AKAP9: variants seen among roughly 807,000 people sequenced by gnomAD.
The protein encoded by AKAP9 is A-kinase anchoring protein 9.
In AKAP9, 311 loss-of-function variants were observed where a neutral mutation model predicts 488.5. That is an observed-to-expected ratio of 0.64 (90% CI 0.58 to 0.70). AKAP9 has a LOEUF of 0.70. Among genes scored for constraint, AKAP9 ranks in the 30% least tolerant of loss-of-function variants. AKAP9 has a pLI of 0.00. For synonymous variants in AKAP9, 1,462 were observed against 1,483.5 expected (o/e 0.99, Z 0.33); for missense variants, 4,215 against 4,374.5 (o/e 0.96, Z 1.03).
At chr7:92,082,694 C>T in intron 32 of AKAP9, 32 bp downstream of exon 32, 1 of 1,609,890 alleles carries the variant, frequency 6.2e-7, no homozygotes, top group Non-Finnish European at 8.5e-7. Context: ...CTAATTCACT[C>T]ATTTCTACCT....
intron 27 of AKAP9, 55 bp from the exon 28 acceptor site, chr7:92,070,850 T>C: frequency 1.8e-6 from 2 of 1,118,228 alleles, no homozygotes; most frequent in South Asian, 1.6e-5. Flanking sequence ...AAAAAAAAAC[T>C]GGATAATCAG....
intron 14 of AKAP9, 124 bp from the exon 15 acceptor site, chr7:92,029,771 A>G (rs781337590): frequency 5.3e-6 from 4 of 757,464 alleles, no homozygotes; most frequent in Non-Finnish European, 9.4e-6. Flanking sequence ...TGCAATACCT[A>G]TAACCCTAGA....
At chr7:91,946,372 A>C (rs1351756815) in intron 1 of AKAP9, among the ~76,000 whole-genome samples, 3 of 150,026 alleles carry the variant, frequency 2.0e-5, no homozygotes, top group African/African-American at 7.4e-5. Context: ...CCTGTGACTT[A>C]AAACTAATTC....
intron 2 of AKAP9, 29 bp downstream of exon 2, chr7:91,973,997 T>C: frequency 6.2e-7 from 1 of 1,612,932 alleles, no homozygotes; most frequent in Non-Finnish European, 8.5e-7. Flanking sequence ...TTTTAATCAT[T>C]ATGGTTCTCG....
chr7:92,053,987 A>G (rs1000678426), intron 22 of AKAP9, among the ~76,000 whole-genome samples: 3 of 152,206 alleles, frequency 2.0e-5, no homozygotes, highest in Admixed American at 2.0e-4. Context: ...GCACTCTACT[A>G]ACATCTTTTA....
At chr7:92,018,443 G>C (rs28445793) in intron 12 of AKAP9, among the ~76,000 whole-genome samples, 1,436 of 35,902 alleles carry the variant, frequency 0.04, 21 homozygotes, top group African/African-American at 0.12. Flanking sequence ...CACACACACA[G>C]AGAAATATTC....
chr7:92,099,818 G>A lies in AKAP9; in HGVS notation c.10845G>A (p.Lys3615=), dbSNP rs138739292. ...EKNDLRNMVM[K]LEEQIRWYRQ... ...ATGACTTAAGGAACATGGTTATGAAGCTGGAAGAGCAGATCAGGTGGTATC... is the reference window on the plus strand; with the variant it reads ...ATGACTTAAGGAACATGGTTATGAAACTGGAAGAGCAGATCAGGTGGTATC... The change falls in exon 44 of 50, where the codon AAG becomes AAA. Residue 3615 remains lysine (K), a synonymous_variant. Coordinates refer to ENST00000356239, the MANE Select transcript of AKAP9 (RefSeq NM_005751.5). 798 of 1,614,072 alleles carry A rather than the reference G, an allele frequency of 4.9e-4. 10 individuals are homozygous for A. The East Asian group carries it at 0.014, about 28-fold the overall frequency.
chr7:92,042,687 G>T lies in AKAP9; in HGVS notation c.5078G>T (p.Gly1693Val), dbSNP rs772261950. ...TQTQNGNENQ[G>V]EVEEQTFKEK... ...AAACAGAATGGAAATGAAAACCAAG[G>T]AGAAGTTGAAGAACAAACATTTAAA... Residue 1693 changes from glycine to valine, a missense_variant, in exon 20 of 50, where the codon GGA becomes GTA. Physicochemically the swap from Gly to Val is moderately radical, Grantham distance 109. This residue lies in a region of AKAP9 where 2,361 missense variants were observed against 2,430.0 expected (regional missense o/e 0.97). Coordinates refer to ENST00000356239, the MANE Select transcript of AKAP9 (RefSeq NM_005751.5). 1.2e-6 allele frequency: 2 copies of T among 1,610,706 alleles called. No homozygotes were observed. Among genetic ancestry groups the T allele is most frequent in the Admixed American group, 1.7e-5 (1 of 59,956 alleles).
chr7:92,089,411 A>G lies in AKAP9; in HGVS notation c.9240A>G (p.Glu3080=), dbSNP rs1305835078. The stretch of plus-strand genomic sequence containing the variant: ...GTGTTGAATATCAAGCAGCTATGGA[A>G]TGCCTCCAGAAAGCAGATAGAAGGA... ...EQGVEYQAAM[E]CLQKADRRSL... Residue 3080 remains glutamate, a synonymous_variant, in exon 38 of 50, where the codon GAA becomes GAG. Transcript: ENST00000356239. 2 of 1,611,848 alleles carry G rather than the reference A, an allele frequency of 1.2e-6. No homozygotes were observed. Among genetic ancestry groups the G allele is most frequent in the Non-Finnish European group, 1.7e-6 (2 of 1,179,756 alleles).
At chr7:92,008,752 C>T (rs971923070) in intron 8 of AKAP9, among the ~76,000 whole-genome samples, 28 of 151,560 alleles carry the variant, frequency 1.8e-4, no homozygotes, top group African/African-American at 6.3e-4. Flanking sequence ...TTTGGGAGGC[C>T]GAGGCAGGCA....
rs757829658 is a variant in AKAP9, at chr7:92,093,291, C to T, written c.9553C>T (p.His3185Tyr). 1.9e-6 allele frequency: 3 copies of T among 1,614,054 alleles called. No homozygotes were observed. Among genetic ancestry groups the T allele is most frequent in the Admixed American group, 1.7e-5 (1 of 60,030 alleles). ...AACAACACTCAAGGCACAGCATAAA[C>T]ACCTAAAAGAATTGGAGGCTTTCAG... ...LETTLKAQHK[H>Y]LKELEAFRLE... Residue 3185 changes from histidine (H) to tyrosine (Y), a missense_variant, in exon 39 of 50, where the codon CAC becomes TAC. This residue lies in a region of AKAP9 where 1,476 missense variants were observed against 1,477.4 expected (regional missense o/e 1.00). Coordinates refer to ENST00000356239, the MANE Select transcript of AKAP9 (RefSeq NM_005751.5).
Position 92,083,465 on chromosome 7 carries a change from A to C in AKAP9, c.8456A>C (p.Glu2819Ala), listed in dbSNP as rs759236301. 3.1e-6 allele frequency: 5 copies of C among 1,613,890 alleles called. No homozygotes were observed. Among genetic ancestry groups the C allele is most frequent in the Non-Finnish European group, 4.2e-6 (5 of 1,179,916 alleles). Residue 2819 changes from glutamate to alanine, a missense_variant, in exon 33 of 50, where the codon GAA becomes GCA. By Grantham distance (107) the Glu-to-Ala change is moderately radical. Around this residue, in one of 5 missense-constraint regions of AKAP9, gnomAD observed 1,476 missense variants for 1,477.4 expected, o/e 1.00. Transcript: ENST00000356239. ...GAATGTTCCTCAGAAGAAGTTACTG[A>C]AATAATCAGTCAGTTTACTGAAAAA... ...QSECSSEEVT[E>A]IISQFTEKIE...
At chr7:92,096,025 C>A (rs2130898562) in intron 40 of AKAP9, among the ~76,000 whole-genome samples, 1 of 152,194 alleles carries the variant, frequency 6.6e-6, no homozygotes, top group South Asian at 2.1e-4. Flanking sequence ...ATATCAGGAA[C>A]ATTTATTTTT....
In AKAP9 at chr7:91,980,300, A is replaced by C. The variant is rs757561181; in HGVS notation, c.318A>C (p.Glu106Asp). 3.8e-6 allele frequency: 6 copies of C among 1,586,386 alleles called. No homozygotes were observed. In the South Asian group the frequency reaches 6.9e-5, roughly 18 times the overall value. The stretch of plus-strand genomic sequence containing the variant: ...TATTTTTGTTTTAGCTGGAAAGTGA[A>C]ATTTCAACCACAGCAGATGACTGCA... ...EQGFSVELES[E>D]ISTTADDCSS... The change falls in exon 3 of 50, where the codon GAA becomes GAC. Residue 106 changes from glutamate (E) to aspartate (D), a missense_variant. Coordinates refer to ENST00000356239, the MANE Select transcript of AKAP9 (RefSeq NM_005751.5).
intron 8 of AKAP9, among the ~76,000 whole-genome samples, chr7:92,008,442 C>G (rs1209467077): frequency 6.6e-6 from 1 of 152,132 alleles, no homozygotes; most frequent in Non-Finnish European, 1.5e-5. Flanking sequence ...AATCCCAGCA[C>G]TTTGGTAGGC....
intron 3 of AKAP9, among the ~76,000 whole-genome samples, chr7:91,990,321 A>G (rs1321275528): frequency 6.6e-6 from 1 of 152,056 alleles, no homozygotes; most frequent in Non-Finnish European, 1.5e-5. Flanking sequence ...TAAAATAATT[A>G]TCTAAATTTA....
intron 12 of AKAP9, among the ~76,000 whole-genome samples, chr7:92,018,395 A>AACACACACACACACACACACACACACAC (rs56394853): frequency 8.3e-6 from 1 of 120,610 alleles, no homozygotes; most frequent in Non-Finnish European, 1.7e-5. Context: ...CTAAAAATAT[A>AACACACACACACACACACACACACACAC]ACACACACAC....
chr7:92,033,736 C>G (rs898754591), intron 16 of AKAP9, among the ~76,000 whole-genome samples: 38 of 152,298 alleles, frequency 2.5e-4, no homozygotes, highest in Admixed American at 1.4e-3. Flanking sequence ...CCATGCCTGG[C>G]TGAGAATCAT....
At position 92,012,527 on chromosome 7, in the gene AKAP9, A is replaced by T. The variant is rs773671180; in HGVS notation, c.3417A>T (p.Lys1139Asn). The change falls in exon 9 of 50, where the codon AAA (lysine) becomes AAT (asparagine). Residue 1139 changes from lysine (K) to asparagine (N), a missense_variant. Physicochemically the swap from Lys to Asn is moderately conservative, Grantham distance 94 (BLOSUM62 0). Transcript: ENST00000356239. ...TTCGTGAATATATGGAAAATGAAAAAGATAAAGCTCTTTGCAGTCTTAAAG... is the reference window on the plus strand; with the variant it reads ...TTCGTGAATATATGGAAAATGAAAATGATAAAGCTCTTTGCAGTCTTAAAG... Reference protein sequence around the residue: ...DQVREYMENEKDKALCSLKEE... With the variant: ...DQVREYMENENDKALCSLKEE... 1 of 1,614,078 alleles carries T rather than the reference A, an allele frequency of 6.2e-7. No individual in the cohort carries two copies. The highest frequency in any genetic ancestry group is 8.5e-7 in the Non-Finnish European group (1 of 1,179,952).
Sources: allele counts gnomAD v4.1 joint callset (sites outside exome capture counted in the v4.1 genomes callset), GRCh38; gene constraint gnomAD v4.1.1; regional missense constraint gnomAD v4.1.1; transcripts MANE v1.5; gene names NCBI Gene and HGNC (gene_info 2026-07-23, HGNC 2026-07-21).